Variants in LRBA observed in about 807,000 individuals in gnomAD.
LRBA encodes the protein lipopolysaccharide-responsive and beige-like anchor protein.
LRBA carries 176 observed loss-of-function variants against 330.0 expected under a neutral mutation model. That is an observed-to-expected ratio of 0.53 (90% CI 0.47 to 0.60). LRBA has a LOEUF of 0.60. Among genes scored for constraint, LRBA ranks in the 20% least tolerant of loss-of-function variants. LRBA has a pLI of 0.00. For missense variants in LRBA, 3,259 were observed against 3,444.8 expected, an observed-to-expected ratio of 0.95 and a Z score of 1.35; for synonymous variants, 1,230 against 1,193.0, an observed-to-expected ratio of 1.03 and a Z score of -0.64.
Position 150,943,373 on chromosome 4 carries a change from A to G in LRBA, c.217-14308T>C, listed in dbSNP as rs141635962. 5.6e-3 allele frequency among the ~76,000 whole-genome samples: 852 copies of G among 152,312 alleles called. 7 individuals carry two copies. Among genetic ancestry groups the G allele is most frequent in the South Asian group, 0.014 (68 of 4,824 alleles). On this transcript the variant is annotated intron_variant, in intron 2 of 56. Transcript: ENST00000651943. The stretch of plus-strand genomic sequence containing the variant: ...TGTGCTCAAGCAATCCTCCTGCCTC[A>G]GCCTCCCAGGTTTCTGTTTGAACAA...
At chr4:150,998,938 T>C (rs1396732377) in intron 2 of LRBA, among the ~76,000 whole-genome samples, 1 of 152,238 alleles carries the variant, frequency 6.6e-6, no homozygotes, top group Non-Finnish European at 1.5e-5. Context: ...TAGCCTAAGT[T>C]GGTCCTATAT....
intron 41 of LRBA, among the ~76,000 whole-genome samples, chr4:150,489,605 A>T (rs1264226234): frequency 5.7e-5 from 4 of 70,036 alleles, no homozygotes; most frequent in African/African-American, 1.9e-4. Flanking sequence ...AAGAATATAT[A>T]ATATATAATA....
intron 44 of LRBA, among the ~76,000 whole-genome samples, chr4:150,450,994 C>A (rs2152029354): frequency 6.6e-6 from 1 of 152,252 alleles, no homozygotes; most frequent in East Asian, 1.9e-4. Context: ...GGCACCATTG[C>A]ATTCCAGCCT....
chr4:150,274,820 C>A (rs1003038597), intron 56 of LRBA, among the ~76,000 whole-genome samples: 1 of 152,098 alleles, frequency 6.6e-6, no homozygotes, highest in African/African-American at 2.4e-5. Flanking sequence ...AAGTCCAGGA[C>A]CAGACAGATT....
chr4:150,296,510 G>C (rs1203064618), intron 53 of LRBA, among the ~76,000 whole-genome samples: 2 of 151,988 alleles, frequency 1.3e-5, no homozygotes, highest in Admixed American at 1.3e-4. Flanking sequence ...GAAATGTAAT[G>C]ATATACTTAG....
At chr4:150,972,501 C>G (rs146680505) in intron 2 of LRBA, among the ~76,000 whole-genome samples, 31 of 152,084 alleles carry the variant, frequency 2.0e-4, no homozygotes, top group African/African-American at 7.0e-4. Flanking sequence ...TTTTAAAAAC[C>G]CTGACTTGAT....
At chr4:150,384,185 T>A (rs576695109) in intron 47 of LRBA, among the ~76,000 whole-genome samples, 7 of 152,086 alleles carry the variant, frequency 4.6e-5, no homozygotes, top group African/African-American at 1.7e-4. Context: ...ATTACAGGCA[T>A]GCACCACCAT....
chr4:150,692,701 A>T (rs1784248405), intron 36 of LRBA, among the ~76,000 whole-genome samples: 1 of 152,240 alleles, frequency 6.6e-6, no homozygotes, highest in South Asian at 2.1e-4. Flanking sequence ...AGTAAAAAAT[A>T]GATAATATAT....
intron 46 of LRBA, among the ~76,000 whole-genome samples, chr4:150,422,442 AAAGG>A (rs1748946997): frequency 6.6e-6 from 1 of 151,962 alleles, no homozygotes; most frequent in Non-Finnish European, 1.5e-5. Context: ...AACAACTAGA[AAAGG>A]AAGAACAACA....
chr4:150,798,985 C>T (rs563634832), intron 33 of LRBA, among the ~76,000 whole-genome samples: 1 of 152,196 alleles, frequency 6.6e-6, no homozygotes, highest in African/African-American at 2.4e-5. Context: ...TCTTAAACAT[C>T]CTATTGCCTT....
At chr4:150,623,254 A>G (rs1009073091) in intron 37 of LRBA, among the ~76,000 whole-genome samples, 1 of 152,228 alleles carries the variant, frequency 6.6e-6, no homozygotes. Flanking sequence ...TGTATTGCAA[A>G]TAACTCCTTT....
chr4:150,848,700 A>G, intron 26 of LRBA, 118 bp downstream of exon 26: 1 of 777,626 alleles, frequency 1.3e-6, no homozygotes, highest in South Asian at 2.0e-5. Flanking sequence ...AAGTAACCAT[A>G]TGACAAATTA....
intron 35 of LRBA, among the ~76,000 whole-genome samples, chr4:150,753,250 A>G (rs1486319561): frequency 1.3e-5 from 2 of 152,186 alleles, no homozygotes; most frequent in African/African-American, 4.8e-5. Flanking sequence ...TTATTGTCTA[A>G]CTTTACCAAT....
At chr4:150,319,720 C>A (rs1374697572) in intron 50 of LRBA, among the ~76,000 whole-genome samples, 6 of 152,062 alleles carry the variant, frequency 3.9e-5, no homozygotes, top group Non-Finnish European at 8.8e-5. Context: ...CCAATATACC[C>A]AGGAAAATGG....
intron 2 of LRBA, among the ~76,000 whole-genome samples, chr4:150,954,580 G>C (rs1148638): frequency 0.097 from 14,533 of 149,424 alleles, 874 homozygotes; most frequent in South Asian, 0.26. Flanking sequence ...TACTCGTTAA[G>C]AGTCATCACC....
At chr4:150,482,317 A>G (rs575336634) in intron 42 of LRBA, among the ~76,000 whole-genome samples, 3 of 152,106 alleles carry the variant, frequency 2.0e-5, no homozygotes, top group African/African-American at 7.2e-5. Flanking sequence ...GGCTTTGTAC[A>G]CCTAGTATAA....
At chr4:150,354,068 T>G (rs1428345006) in intron 47 of LRBA, among the ~76,000 whole-genome samples, 1 of 152,054 alleles carries the variant, frequency 6.6e-6, no homozygotes, top group Non-Finnish European at 1.5e-5. Context: ...CACTTAAGAC[T>G]TGAGGGGAGA....
In LRBA at chr4:150,862,087, G is replaced by C. The variant is rs183421951; in HGVS notation, c.2766+5584C>G. 5.9e-5 allele frequency among the ~76,000 whole-genome samples: 9 copies of C among 152,264 alleles called. No individual in the cohort carries two copies. The East Asian group carries it at 1.7e-3, about 29-fold the overall frequency. On this transcript the variant is annotated intron_variant, in intron 22 of 56. Coordinates refer to ENST00000651943, the MANE Select transcript of LRBA (RefSeq NM_001364905.1). ...ACACTTTTACACTGTTGGTGGGACTGTAAACTAGTTCAACCATTGTGGAAG... is the reference window on the plus strand; with the variant it reads ...ACACTTTTACACTGTTGGTGGGACTCTAAACTAGTTCAACCATTGTGGAAG...
intron 17 of LRBA, among the ~76,000 whole-genome samples, chr4:150,877,099 CA>C (rs941146937): frequency 6.7e-5 from 10 of 149,316 alleles, no homozygotes; most frequent in African/African-American, 2.2e-4. Context: ...TAAAAACACA[CA>C]AAAAAAAATT....
Sources: gnomAD v4.1 joint callset for allele counts (sites outside exome capture counted in the v4.1 genomes callset) on GRCh38, gnomAD v4.1.1 for gene constraint, MANE v1.5 for transcripts, NCBI Gene and HGNC (gene_info 2026-07-23, HGNC 2026-07-21) for gene names.